The following CES4A variants were observed in gnomAD, a reference collection of about 807,000 sequenced individuals.
CES4A encodes the protein carboxylesterase 6.
A neutral mutation model predicts 65.4 loss-of-function variants in CES4A; 48 were observed. The ratio of observed to expected loss-of-function variants is 0.73; its 90% confidence interval spans 0.58 to 0.93. The LOEUF (loss-of-function observed/expected upper bound fraction) is 0.93. Ranked by LOEUF, CES4A falls within the 40% of genes least tolerant of loss-of-function variation. The pLI, the probability that CES4A is intolerant of heterozygous loss-of-function variation, is 0.00. For missense variants in CES4A, 685 were observed against 728.5 expected (o/e 0.94, Z 0.69); for synonymous variants, 247 against 281.8 (o/e 0.88, Z 1.24).
rs537976908 is a variant in CES4A, at chr16:67,001,315, G to T, written c.544G>T (p.Asp182Tyr). Residue 182 changes from aspartate (D) to tyrosine (Y), a missense_variant, in exon 5 of 14, where the codon GAC (aspartate) becomes TAC (tyrosine). Coordinates refer to ENST00000648724, the Ensembl canonical transcript of CES4A. The surrounding 1 kb of genome is among the most constrained non-coding windows in gnomAD (Gnocchi z 4.1). ...TGAACCCCACACGCCCAGCACGGAC[G>T]ACAGCCACGCGCGCGGGAACTGGGG... is the stretch of plus-strand genomic sequence containing the variant. 1 of 1,606,606 alleles carries T rather than the reference G, an allele frequency of 6.2e-7. No homozygotes were observed. Among genetic ancestry groups the T allele is most frequent in the African/African-American group, 1.3e-5 (1 of 74,940 alleles).
Position 67,006,530 on chromosome 16 carries a change from C to T in CES4A, c.1444+11C>T. On this transcript the variant is annotated intron_variant, in intron 12 of 13. Transcript: ENST00000648724. ...GCCCCTTCGCCACAGGTGCAAAGGTCCCACCTGATACCCCAACTGGGTGTC... is the reference window on the plus strand; with the variant it reads ...GCCCCTTCGCCACAGGTGCAAAGGTTCCACCTGATACCCCAACTGGGTGTC... The T allele has an allele frequency of 1.9e-6, 3 of 1,539,330 alleles. No homozygotes were observed. The South Asian group carries it at 3.5e-5, about 18-fold the overall frequency.
At chr16:67,006,928 C>A in intron 13 of CES4A, 111 bp downstream of exon 13, 6 of 1,002,002 alleles carry the variant, frequency 6.0e-6, no homozygotes, top group South Asian at 3.0e-5. Context: ...ACTGCCCAGT[C>A]GGCCCAAACA....
rs542907126 is a variant in CES4A, at chr16:67,006,395, C to T, written c.1320C>T (p.Ala440=). The change falls in exon 12 of 14, where the codon GCC becomes GCT. Residue 440 remains alanine (A), a synonymous_variant. Coordinates refer to ENST00000648724, the Ensembl canonical transcript of CES4A. Reference sequence around the variant, plus strand: ...CCTCAGTTTCCCTATTCACAGATGCCGGCCTCCCTGTCTACCTGTATGAAT... The same window carrying T: ...CCTCAGTTTCCCTATTCACAGATGCTGGCCTCCCTGTCTACCTGTATGAAT... 4.6e-5 allele frequency: 70 copies of T among 1,536,446 alleles called. No individual in the cohort carries two copies. The African/African-American group carries it at 5.3e-4, about 12-fold the overall frequency.
chr16:66,997,359 T>C (rs1041564109), intron 2 of CES4A, among the ~76,000 whole-genome samples: 1 of 151,804 alleles, frequency 6.6e-6, no homozygotes, highest in African/African-American at 2.4e-5. Context: ...GGAAACGGAG[T>C]GTCAGGTGTA....
intron 11 of CES4A, 189 bp downstream of exon 11, chr16:67,005,582 C>T (rs1354737093): frequency 1.0e-5 from 6 of 578,996 alleles, no homozygotes; most frequent in South Asian, 2.3e-5. Flanking sequence ...CACGGTGGCT[C>T]ACACCTGTAA....
intron 11 of CES4A, 119 bp downstream of exon 11, chr16:67,005,512 A>T: frequency 1.0e-6 from 1 of 967,500 alleles, no homozygotes. Flanking sequence ...CTAGTATAGG[A>T]TTCTAAGATA....
At chr16:66,999,662 T>G (rs971259041) in intron 2 of CES4A, among the ~76,000 whole-genome samples, 15 of 152,026 alleles carry the variant, frequency 9.9e-5, no homozygotes, top group African/African-American at 2.2e-4. Flanking sequence ...ATTAGCTGGG[T>G]GTGATGGCGC....
At chr16:67,005,196 C>T (rs376057910) in intron 10 of CES4A, 44 bp from the exon 11 acceptor site, 24 of 1,608,988 alleles carry the variant, frequency 1.5e-5, no homozygotes, top group Non-Finnish European at 3.4e-6. Context: ...ACCTCTGGCC[C>T]AGCTGGCACC....
intron 1 of CES4A, among the ~76,000 whole-genome samples, chr16:66,993,031 A>G (rs1254682884): frequency 1.3e-5 from 2 of 152,158 alleles, no homozygotes; most frequent in African/African-American, 4.8e-5. Context: ...AGACAAGGGC[A>G]CTTCAGGAAG....
chr16:67,004,767 C>T (rs1436100817), intron 9 of CES4A, 26 bp from the exon 10 acceptor site: 1 of 1,531,924 alleles, frequency 6.5e-7, no homozygotes, highest in Non-Finnish European at 8.7e-7. Flanking sequence ...GCCTGACCCA[C>T]ACTGGGGTCC....
chr16:66,994,677 T>TA lies in CES4A; in HGVS notation c.59-946dup, dbSNP rs1248194548. On this transcript the variant is annotated intron_variant, in intron 1 of 13. Transcript: ENST00000648724. ...TAGTACGGTGAAACCCCATCTCTAC[T>TA]AAAAATACAAAATTAGCCAGGCATG... 4.7e-5 allele frequency among the ~76,000 whole-genome samples: 7 copies of TA among 150,426 alleles called. No homozygotes were observed. The East Asian group carries it at 1.0e-3, about 22-fold the overall frequency.
Position 67,003,882 on chromosome 16 carries a change from G to A in CES4A, c.940-202G>A, listed in dbSNP as rs1179442618. On this transcript the variant is annotated intron_variant, in intron 8 of 13. Coordinates refer to ENST00000648724, the Ensembl canonical transcript of CES4A. This position sits in a 1 kb window ranked among gnomAD's most constrained non-coding sequence, Gnocchi z 4.2. ...AGGAGTGAGCTATACAGATACCCGC[G>A]GCCATCCCAAGTCCACGTAATTTGG... Among the ~76,000 whole-genome samples, 4 of 152,012 alleles carry A rather than the reference G, an allele frequency of 2.6e-5. No individual in the cohort carries two copies. The highest frequency in any genetic ancestry group is 2.9e-5 in the Non-Finnish European group (2 of 68,004).
intron 12 of CES4A, 113 bp downstream of exon 12, chr16:67,006,632 T>C (rs570644073): frequency 3.9e-6 from 6 of 1,539,390 alleles, no homozygotes; most frequent in African/African-American, 1.4e-5. Context: ...TAATCTGTTA[T>C]GCTCTCCCAA....
intron 11 of CES4A, 75 bp from the exon 12 acceptor site, chr16:67,006,316 G>A: frequency 6.7e-7 from 1 of 1,497,692 alleles, no homozygotes; most frequent in Non-Finnish European, 9.0e-7. Flanking sequence ...GTGCAGGTGA[G>A]TGGGAGGCAT....
At chr16:66,995,573 C>G in intron 1 of CES4A, 55 bp from the exon 2 acceptor site, 2 of 1,488,024 alleles carry the variant, frequency 1.3e-6, no homozygotes, top group Middle Eastern at 1.8e-4. Context: ...GAGCCAGGGT[C>G]CCATTTGTGG....
At chr16:67,009,980 G>A (rs1365781796), downstream of CES4A, among the ~76,000 whole-genome samples, 1 of 151,794 alleles carries the variant, frequency 6.6e-6, no homozygotes, top group Admixed American at 6.6e-5. Context: ...TTAGGTCTTA[G>A]TGCCACATCT....
intron 5 of CES4A, 132 bp from the exon 6 acceptor site, chr16:67,002,938 C>A: frequency 2.7e-6 from 2 of 738,394 alleles, no homozygotes; most frequent in Admixed American, 2.0e-5. Flanking sequence ...CCCAGGACTC[C>A]TGACTCCCTC....
chr16:67,005,947 G>A, intron 11 of CES4A: 1 of 189,218 alleles, frequency 5.3e-6, no homozygotes, highest in South Asian at 1.1e-4. Context: ...GGTGGTCAGG[G>A]AAGGCTTCCT....
chr16:66,994,213 A>G (rs575712652), intron 1 of CES4A, among the ~76,000 whole-genome samples: 4 of 133,842 alleles, frequency 3.0e-5, no homozygotes, highest in African/African-American at 1.4e-4. Context: ...AATAGACATA[A>G]ATTTTTATTT....
Sources: allele counts gnomAD v4.1 joint callset (sites outside exome capture counted in the v4.1 genomes callset), GRCh38; gene constraint gnomAD v4.1.1; non-coding constraint Gnocchi (gnomAD v3.1); transcripts MANE v1.5; gene names NCBI Gene and HGNC (gene_info 2026-07-23, HGNC 2026-07-21).